Variants in FAM135B observed in about 807,000 individuals in gnomAD.
FAM135B encodes protein FAM135B.
FAM135B carries 43 observed loss-of-function variants against 127.7 expected under a neutral mutation model. That is an observed-to-expected ratio of 0.34 (90% CI 0.26 to 0.43). FAM135B has a LOEUF of 0.43. Ranked by LOEUF, FAM135B falls within the 20% of genes least tolerant of loss-of-function variation. The probability of loss-of-function intolerance (pLI) is 1.00; values close to 1 mark genes in which losing one functional copy is unlikely to be tolerated. For missense variants in FAM135B, 1,558 were observed against 1,725.6 expected, an observed-to-expected ratio of 0.90 and a Z score of 1.72; for synonymous variants, 670 against 665.1, an observed-to-expected ratio of 1.01 and a Z score of -0.11.
intron 1 of FAM135B, among the ~76,000 whole-genome samples, chr8:138,493,738 G>A (rs1040000665): frequency 1.3e-5 from 2 of 152,152 alleles, no homozygotes; most frequent in African/African-American, 2.4e-5. Flanking sequence ...AATTTACTTA[G>A]AGTATTAATA....
intron 2 of FAM135B, among the ~76,000 whole-genome samples, chr8:138,322,185 C>T (rs1827493454): frequency 6.6e-6 from 1 of 152,154 alleles, no homozygotes; most frequent in Non-Finnish European, 1.5e-5. Flanking sequence ...GGCAGGGACT[C>T]TGTAAATGGT....
chr8:138,260,429 C>T (rs190088401), intron 4 of FAM135B, among the ~76,000 whole-genome samples: 13 of 152,202 alleles, frequency 8.5e-5, no homozygotes, highest in African/African-American at 2.6e-4. Flanking sequence ...CTAGTGCCCC[C>T]GCGAAAGGGG....
At chr8:138,306,586 T>TTA (rs1826279651) in intron 3 of FAM135B, among the ~76,000 whole-genome samples, 1 of 652 alleles carries the variant, frequency 1.5e-3, no homozygotes, top group Non-Finnish European at 0.017. Context: ...GTATCATTCT[T>TTA]TTTTTTTTTT....
At chr8:138,395,969 C>G (rs1265792810) in intron 1 of FAM135B, among the ~76,000 whole-genome samples, 1 of 152,038 alleles carries the variant, frequency 6.6e-6, no homozygotes, top group Non-Finnish European at 1.5e-5. Context: ...TGCTATCTTA[C>G]AAACAGGAGT....
At chr8:138,425,161 T>C (rs1369547439) in intron 1 of FAM135B, among the ~76,000 whole-genome samples, 1 of 152,210 alleles carries the variant, frequency 6.6e-6, no homozygotes, top group Non-Finnish European at 1.5e-5. Context: ...AGAGCTGGCA[T>C]TGAGTGGGTG....
At chr8:138,325,538 G>A (rs1243607701) in intron 2 of FAM135B, among the ~76,000 whole-genome samples, 1 of 152,096 alleles carries the variant, frequency 6.6e-6, no homozygotes. Flanking sequence ...TGTTGGGTTG[G>A]ACTCAAACTG....
At chr8:138,475,681 T>C (rs1433023496) in intron 1 of FAM135B, among the ~76,000 whole-genome samples, 1 of 152,210 alleles carries the variant, frequency 6.6e-6, no homozygotes, top group African/African-American at 2.4e-5. Flanking sequence ...TCTTACCTCA[T>C]TGATGGTATA....
At chr8:138,143,323 C>G (rs1410308075) in intron 15 of FAM135B, among the ~76,000 whole-genome samples, 1 of 152,164 alleles carries the variant, frequency 6.6e-6, no homozygotes, top group Non-Finnish European at 1.5e-5. Context: ...GAACGCTCAG[C>G]TGGGAGGGTG....
At chr8:138,484,023 G>T (rs1814892275) in intron 1 of FAM135B, among the ~76,000 whole-genome samples, 1 of 152,168 alleles carries the variant, frequency 6.6e-6, no homozygotes, top group South Asian at 2.1e-4. Flanking sequence ...TTTCAAGAAA[G>T]TCAATAAAGT....
chr8:138,227,120 G>A (rs1333542858), intron 7 of FAM135B, among the ~76,000 whole-genome samples: 2 of 152,216 alleles, frequency 1.3e-5, no homozygotes, highest in Non-Finnish European at 2.9e-5. Flanking sequence ...GTTCACAACT[G>A]ATCAGATCAG....
intron 1 of FAM135B, among the ~76,000 whole-genome samples, chr8:138,489,918 G>A (rs1815134769): frequency 6.6e-6 from 1 of 152,148 alleles, no homozygotes; most frequent in African/African-American, 2.4e-5. Flanking sequence ...TTCCCAAGTG[G>A]GGTTAGGTGT....
At chr8:138,284,007 T>C (rs1824479673) in intron 3 of FAM135B, among the ~76,000 whole-genome samples, 1 of 152,030 alleles carries the variant, frequency 6.6e-6, no homozygotes, top group Non-Finnish European at 1.5e-5. Context: ...CATATGTGTG[T>C]ATAGGGTGTG....
chr8:138,368,995 A>C (rs574998334), intron 1 of FAM135B, among the ~76,000 whole-genome samples: 4 of 152,270 alleles, frequency 2.6e-5, no homozygotes, highest in African/African-American at 9.6e-5. Context: ...TGCATGCAAG[A>C]AAAAAGGACC....
intron 1 of FAM135B, among the ~76,000 whole-genome samples, chr8:138,370,530 C>T (rs1195786202): frequency 5.9e-5 from 9 of 152,108 alleles, no homozygotes; most frequent in Admixed American, 2.0e-4. Context: ...CGGCTCACTG[C>T]AAGCTCGCCT....
At chr8:138,158,456 T>C (rs532580196) in intron 12 of FAM135B, among the ~76,000 whole-genome samples, 1 of 151,746 alleles carries the variant, frequency 6.6e-6, no homozygotes, top group East Asian at 1.9e-4. Flanking sequence ...CAAATTAAAC[T>C]AAAGAGCTTC....
At chr8:138,146,139 TC>T in intron 14 of FAM135B, 89 bp from the exon 15 acceptor site, 1 of 683,954 alleles carries the variant, frequency 1.5e-6, no homozygotes, top group South Asian at 1.9e-5. Context: ...TCTCCCTCTT[TC>T]CCCATTTCTA....
At chr8:138,381,646 C>A (rs549811011) in intron 1 of FAM135B, among the ~76,000 whole-genome samples, 1 of 152,318 alleles carries the variant, frequency 6.6e-6, no homozygotes, top group African/African-American at 2.4e-5. Flanking sequence ...AGAAAATGCA[C>A]ATATGAATGA....
At chr8:138,155,075 C>T (rs1818585738) in intron 12 of FAM135B, among the ~76,000 whole-genome samples, 1 of 152,188 alleles carries the variant, frequency 6.6e-6, no homozygotes. Flanking sequence ...AAGGGAAGCC[C>T]ATCAGACTAA....
At chr8:138,464,450 C>T (rs558048646) in intron 1 of FAM135B, among the ~76,000 whole-genome samples, 1 of 152,302 alleles carries the variant, frequency 6.6e-6, no homozygotes, top group East Asian at 1.9e-4. Flanking sequence ...ATACCCACCC[C>T]TTAGAACAGA....
Sources: gnomAD v4.1 joint callset for allele counts (sites outside exome capture counted in the v4.1 genomes callset) on GRCh38, gnomAD v4.1.1 for gene constraint, MANE v1.5 for transcripts, NCBI Gene and HGNC (gene_info 2026-07-23, HGNC 2026-07-21) for gene names.